The following SARDH variants were observed in gnomAD, a reference collection of about 807,000 sequenced individuals.
SARDH encodes the protein sarcosine dehydrogenase, mitochondrial.
SARDH carries 95 observed loss-of-function variants against 109.1 expected under a neutral mutation model. That is an observed-to-expected ratio of 0.87 (90% CI 0.74 to 1.03). The LOEUF is 1.03. Ranked by LOEUF, SARDH falls within the 50% of genes least tolerant of loss-of-function variation. The pLI, the probability that SARDH is intolerant of heterozygous loss-of-function variation, is 0.00. For missense variants in SARDH, 1,267 were observed against 1,287.8 expected (o/e 0.98, Z 0.25); for synonymous variants, 572 against 534.8 (o/e 1.07, Z -0.96).
rs1028521564 is a variant in SARDH, at chr9:133,732,584, G to A, written c.349C>T (p.Arg117Trp). The A allele has an allele frequency of 6.2e-6, 10 of 1,608,418 alleles. No homozygotes were observed. The highest frequency in any genetic ancestry group is 2.7e-5 in the African/African-American group (2 of 74,850). The change falls in exon 3 of 21, where the codon CGG (arginine) becomes TGG (tryptophan). Residue 117 changes from arginine to tryptophan, a missense_variant. By Grantham distance (101) the Arg-to-Trp change is moderately radical. Coordinates refer to ENST00000439388, the MANE Select transcript of SARDH (RefSeq NM_001134707.2). The part of the protein sequence containing the change: ...WHTAGLLWQL[R>W]PSDVEVELLA... ...AGCTCCACCTCCACGTCACTGGGCCGCAGCTGCCACAGCAGGCCTGCCCGG... is the reference window on the plus strand; with the variant it reads ...AGCTCCACCTCCACGTCACTGGGCCACAGCTGCCACAGCAGGCCTGCCCGG...
In SARDH at chr9:133,734,146, C is replaced by T. The variant is rs892274954; in HGVS notation, c.28G>A (p.Val10Met). Residue 10 changes from valine to methionine, a missense_variant, in exon 2 of 21, where the codon GTG becomes ATG. By Grantham distance (21) the Val-to-Met change is conservative. Transcript: ENST00000439388. MASLSRALR[V>M]AAAHPRQSPT... ...CTCTGGCGAGGGTGGGCAGCAGCCACACGTAGGGCTCGGCTCAGTGAGGCC... is the reference window on the plus strand; with the variant it reads ...CTCTGGCGAGGGTGGGCAGCAGCCATACGTAGGGCTCGGCTCAGTGAGGCC... 5 of 1,605,342 alleles carry T rather than the reference C, an allele frequency of 3.1e-6. No homozygotes were observed. The highest frequency in any genetic ancestry group is 2.2e-5 in the South Asian group (2 of 90,244).
intron 15 of SARDH, among the ~76,000 whole-genome samples, chr9:133,691,165 C>T (rs1448331524): frequency 7.0e-6 from 1 of 143,752 alleles, no homozygotes; most frequent in Non-Finnish European, 1.5e-5. Flanking sequence ...ACCTCACCTC[C>T]CCCAACACAC....
At chr9:133,662,055 G>A (rs2131303092), downstream of SARDH, among the ~76,000 whole-genome samples, 1 of 152,156 alleles carries the variant, frequency 6.6e-6, no homozygotes, top group Non-Finnish European at 1.5e-5. The surrounding 1 kb of genome is among the most constrained non-coding windows in gnomAD (Gnocchi z 5.1). Context: ...TGGGAGGTGA[G>A]TTGTGGAGGC....
chr9:133,680,645 C>T (rs550020825), intron 17 of SARDH, among the ~76,000 whole-genome samples: 41 of 152,362 alleles, frequency 2.7e-4, no homozygotes, highest in Admixed American at 6.5e-4. Flanking sequence ...GTCCTCCACA[C>T]GCTCCTCGAG....
In SARDH at chr9:133,666,736, G is replaced by C; in HGVS notation, c.2630C>G (p.Pro877Arg). 6.3e-7 allele frequency: 1 copy of C among 1,588,464 alleles called. No homozygotes were observed. The highest frequency in any genetic ancestry group is 2.3e-5 in the East Asian group (1 of 43,536). Residue 877 changes from proline to arginine, a missense_variant and splice_region_variant, in exon 20 of 21, where the codon CCG becomes CGG. Coordinates refer to ENST00000439388, the MANE Select transcript of SARDH (RefSeq NM_001134707.2). This position sits in a 1 kb window ranked among gnomAD's most constrained non-coding sequence, Gnocchi z 5.2. ...GCAGGGCCAGAGAAGGGGACTCACC[G>C]GCCCACCGCTGGGGTCATGGATGTA... ...YGYIHDPSGG[P>R]VSLDFVKSGD...
At chr9:133,683,842 G>A (rs529703457) in intron 17 of SARDH, among the ~76,000 whole-genome samples, 10 of 152,242 alleles carry the variant, frequency 6.6e-5, no homozygotes, top group African/African-American at 2.2e-4. Flanking sequence ...AACCCCAGAC[G>A]AACATACAGG....
In SARDH at chr9:133,663,929, G is replaced by T; in HGVS notation, c.2717C>A (p.Pro906His). The T allele has an allele frequency of 1.2e-6, 2 of 1,614,140 alleles. No homozygotes were observed. Among genetic ancestry groups the T allele is most frequent in the Non-Finnish European group, 1.7e-6 (2 of 1,180,024 alleles). Residue 906 changes from proline (P) to histidine (H), a missense_variant, in exon 21 of 21, where the codon CCC (proline) becomes CAC (histidine). Coordinates refer to ENST00000439388, the MANE Select transcript of SARDH (RefSeq NM_001134707.2). Reference protein sequence around the residue: ...TYGAQAHLKSPFDPNNKRVKG... With the variant: ...TYGAQAHLKSHFDPNNKRVKG... ...CACCCTCTTGTTGTTGGGGTCGAAG[G>T]GCGACTTCAGGTGAGCCTGGGCACC...
At chr9:133,680,828 T>C (rs129893) in intron 17 of SARDH, among the ~76,000 whole-genome samples, 71,734 of 151,982 alleles carry the variant, frequency 0.47, 19,103 homozygotes, top group African/African-American at 0.74. Context: ...TCCAGAGAGC[T>C]GCCGGGAGGA....
intron 16 of SARDH, among the ~76,000 whole-genome samples, chr9:133,688,337 C>T (rs7871679): frequency 0.019 from 2,893 of 152,122 alleles, 111 homozygotes; most frequent in African/African-American, 0.066. Flanking sequence ...GTCCCCTACC[C>T]TCCCCCGACC....
upstream of SARDH, among the ~76,000 whole-genome samples, chr9:133,738,606 G>A (rs549857492): frequency 1.5e-4 from 23 of 152,332 alleles, no homozygotes; most frequent in African/African-American, 5.5e-4. Context: ...CCTCAGGGTT[G>A]CTGCAGTAGA....
At position 133,731,464 on chromosome 9, in the gene SARDH, C is replaced by T. The variant is rs1564300052; in HGVS notation, c.531G>A (p.Val177=). The part of the protein sequence containing the change: ...RLMSLGKAYG[V]ESHVLSPAET... ...CTGCCGGGCTCAGCACATGGGATTC[C>T]ACACCATACGCCTTGCCCAGCTAGG... Residue 177 remains valine (V), a synonymous_variant, in exon 4 of 21, where the codon GTG becomes GTA. Coordinates refer to ENST00000439388, the MANE Select transcript of SARDH (RefSeq NM_001134707.2). 2 of 1,614,012 alleles carry T rather than the reference C, an allele frequency of 1.2e-6. No individual in the cohort carries two copies. The highest frequency in any genetic ancestry group is 8.5e-7 in the Non-Finnish European group (1 of 1,180,014).
intron 6 of SARDH, among the ~76,000 whole-genome samples, chr9:133,724,595 A>G (rs1465024048): frequency 6.6e-6 from 1 of 152,218 alleles, no homozygotes; most frequent in African/African-American, 2.4e-5. Flanking sequence ...CTTCTTTGGA[A>G]AATAGTCCGA....
intron 10 of SARDH, 53 bp from the exon 11 acceptor site, chr9:133,708,481 G>T: frequency 1.9e-6 from 3 of 1,565,444 alleles, no homozygotes; most frequent in Non-Finnish European, 2.6e-6. Flanking sequence ...CGTCAGGGAA[G>T]GGCTAGCCTA....
chr9:133,715,469 G>A (rs1318559862), intron 8 of SARDH, among the ~76,000 whole-genome samples: 1 of 152,160 alleles, frequency 6.6e-6, no homozygotes, highest in Non-Finnish European at 1.5e-5. Context: ...TACCCTGCAC[G>A]CTGCCCCGGC....
Position 133,718,667 on chromosome 9 carries a change from T to G in SARDH, c.1020+271A>C. 1.3e-6 allele frequency: 1 copy of G among 779,572 alleles called. No individual in the cohort carries two copies. Among genetic ancestry groups the G allele is most frequent in the Non-Finnish European group, 2.4e-6 (1 of 417,988 alleles). 48.3% of individuals were successfully genotyped at this position (779,572 alleles called of 1,614,324 possible). ...GTAGGACTTGTGTGCTCTCATGCCC[T>G]TCTGAGGTCATCACTCCACACTGCG... On this transcript the variant is annotated intron_variant, in intron 7 of 20. Coordinates refer to ENST00000439388, the MANE Select transcript of SARDH (RefSeq NM_001134707.2). This position sits in a 1 kb window ranked among gnomAD's most constrained non-coding sequence, Gnocchi z 4.2.
chr9:133,718,981 A>C lies in SARDH; in HGVS notation c.977T>G (p.Leu326Trp). 1 of 1,614,170 alleles carries C rather than the reference A, an allele frequency of 6.2e-7. No homozygotes were observed. Among genetic ancestry groups the C allele is most frequent in the Non-Finnish European group, 8.5e-7 (1 of 1,180,020 alleles). ...GTTGGCCTCATAGCCACCCACAGAC[A>C]AGGCATCCCCTTGGAGGCGGAGGTA... ...SVYLRLQGDA[L>W]SVGGYEANPI... The change falls in exon 7 of 21, where the codon TTG becomes TGG. Residue 326 changes from leucine to tryptophan, a missense_variant. Leu to Trp is a moderately conservative substitution (Grantham distance 61, BLOSUM62 -2). Coordinates refer to ENST00000439388, the MANE Select transcript of SARDH (RefSeq NM_001134707.2). This position sits in a 1 kb window ranked among gnomAD's most constrained non-coding sequence, Gnocchi z 4.2.
intron 10 of SARDH, 80 bp from the exon 11 acceptor site, chr9:133,708,508 T>C: frequency 4.7e-6 from 7 of 1,498,076 alleles, no homozygotes; most frequent in Non-Finnish European, 6.2e-6. Flanking sequence ...AGGGTAAGCC[T>C]GGACCCCGGT....
In SARDH at chr9:133,726,368, A is replaced by AAAT. The variant is rs547588474; in HGVS notation, c.915+3394_915+3396dup. Among the ~76,000 whole-genome samples, 478 of 114,142 alleles carry AAAT rather than the reference A, an allele frequency of 4.2e-3. 3 individuals carry two copies. Among genetic ancestry groups the AAAT allele is most frequent in the African/African-American group, 0.013 (407 of 30,182 alleles). 74.9% of individuals were successfully genotyped at this position (114,142 alleles called of 152,430 possible). A position where few individuals can be genotyped will look rare whatever the true frequency, so the allele number is the denominator to read the frequency against. On this transcript the variant is annotated intron_variant, in intron 6 of 20. Transcript: ENST00000439388. ...GGGAAACAGAGTGAGACCCTGTCTC[A>AAAT]AATAATAATAATAATAATAATAATA...
rs779006862 is a variant in SARDH at position 133,692,949 on chromosome 9, C to G, written c.1921+1309G>C. Among the ~76,000 whole-genome samples, 1 of 152,080 alleles carries G rather than the reference C, an allele frequency of 6.6e-6. No homozygotes were observed. Among genetic ancestry groups the G allele is most frequent in the Middle Eastern group, 3.2e-3 (1 of 316 alleles). ...TCATCTCCGCCACCAGCCTCCAGAC[C>G]GCAGGGCTCACCTCACTACTCCCTG... is the stretch of plus-strand genomic sequence containing the variant. On this transcript the variant is annotated intron_variant, in intron 15 of 20. Transcript: ENST00000439388. This position sits in a 1 kb window ranked among gnomAD's most constrained non-coding sequence, Gnocchi z 5.0.
Sources: allele counts gnomAD v4.1 joint callset (sites outside exome capture counted in the v4.1 genomes callset), GRCh38; gene constraint gnomAD v4.1.1; non-coding constraint Gnocchi (gnomAD v3.1); transcripts MANE v1.5; gene names NCBI Gene and HGNC (gene_info 2026-07-23, HGNC 2026-07-21).